The following GBE1 variants were observed in gnomAD, a reference collection of about 807,000 sequenced individuals.
GBE1 encodes the protein 1,4-alpha-glucan branching enzyme 1.
GBE1 carries 70 observed loss-of-function variants against 88.8 expected under a neutral mutation model. The ratio of observed to expected loss-of-function variants is 0.79; its 90% CI spans 0.65 to 0.96. The LOEUF (loss-of-function observed/expected upper bound fraction) is 0.96, where lower values mean the gene tolerates loss of function less well. Ranked by LOEUF, GBE1 falls within the 40% of genes least tolerant of loss-of-function variation. The probability of loss-of-function intolerance (pLI) is 0.00; values close to 1 mark genes in which losing one functional copy is unlikely to be tolerated. For missense variants in GBE1, 872 were observed against 871.0 expected (o/e 1.00, Z -0.01); for synonymous variants, 284 against 300.1 (o/e 0.95, Z 0.56).
At chr3:81,706,195 C>T (rs562990384) in intron 1 of GBE1, among the ~76,000 whole-genome samples, 45 of 152,058 alleles carry the variant, frequency 3.0e-4, no homozygotes, top group Non-Finnish European at 4.3e-4. Flanking sequence ...ACTTTATTTA[C>T]AAAAAACAGG....
At chr3:81,590,887 C>A (rs1221676970) in intron 9 of GBE1, 150 bp downstream of exon 9, 1 of 506,310 alleles carries the variant, frequency 2.0e-6, no homozygotes, top group Admixed American at 4.0e-5. Context: ...AAATAATGTG[C>A]CACCCATACA....
chr3:81,720,995 G>A (rs906687721), intron 1 of GBE1, among the ~76,000 whole-genome samples: 7 of 94,144 alleles, frequency 7.4e-5, no homozygotes, highest in Non-Finnish European at 1.2e-4. Flanking sequence ...GGTGGGAATT[G>A]AACAATGAGA....
At chr3:81,739,117 T>A (rs757902220) in intron 1 of GBE1, among the ~76,000 whole-genome samples, 23 of 152,156 alleles carry the variant, frequency 1.5e-4, no homozygotes, top group Non-Finnish European at 2.8e-4. Context: ...CCTCAGGATC[T>A]AAACACCGCT....
intron 3 of GBE1, among the ~76,000 whole-genome samples, chr3:81,665,492 C>T (rs955151131): frequency 2.0e-5 from 3 of 149,906 alleles, no homozygotes; most frequent in Admixed American, 6.7e-5. Context: ...GCCGAGATTG[C>T]GCCACTGCAC....
At chr3:81,617,459 C>A (rs995520329) in intron 7 of GBE1, among the ~76,000 whole-genome samples, 2 of 151,876 alleles carry the variant, frequency 1.3e-5, no homozygotes, top group Non-Finnish European at 2.9e-5. Context: ...TTTAATTTGG[C>A]AAAATACTTT....
chr3:81,615,017 T>C (rs947754572), intron 7 of GBE1, among the ~76,000 whole-genome samples: 2 of 151,734 alleles, frequency 1.3e-5, no homozygotes, highest in African/African-American at 4.8e-5. Flanking sequence ...ATGAGACTTT[T>C]TTCTCAAAAA....
intron 1 of GBE1, 56 bp downstream of exon 1, chr3:81,761,319 G>A (rs1483577479): frequency 1.9e-6 from 3 of 1,551,416 alleles, no homozygotes; most frequent in East Asian, 4.8e-5. Flanking sequence ...GTCCCGAGAC[G>A]GCTCCTGGGA....
chr3:81,575,922 T>G (rs1703642797), intron 12 of GBE1, among the ~76,000 whole-genome samples: 1 of 152,210 alleles, frequency 6.6e-6, no homozygotes, highest in Non-Finnish European at 1.5e-5. Flanking sequence ...TTTTCTCACC[T>G]TGGTATAAGG....
chr3:81,722,156 T>C (rs1706043508), intron 1 of GBE1, among the ~76,000 whole-genome samples: 1 of 152,196 alleles, frequency 6.6e-6, no homozygotes, highest in Non-Finnish European at 1.5e-5. Context: ...TTAATACTCA[T>C]GTATAATATT....
At chr3:81,564,710 G>A (rs933894596) in intron 12 of GBE1, among the ~76,000 whole-genome samples, 2 of 152,104 alleles carry the variant, frequency 1.3e-5, no homozygotes, top group African/African-American at 4.8e-5. Context: ...TAACCTGGCA[G>A]GAGTTTTTCC....
At chr3:81,503,507 G>A (rs984501814) in intron 14 of GBE1, among the ~76,000 whole-genome samples, 5 of 152,166 alleles carry the variant, frequency 3.3e-5, no homozygotes, top group Non-Finnish European at 5.9e-5. Context: ...GCAGTCAGGA[G>A]TCTAACAACA....
At chr3:81,620,113 A>G (rs935994484) in intron 7 of GBE1, among the ~76,000 whole-genome samples, 2 of 152,124 alleles carry the variant, frequency 1.3e-5, no homozygotes, top group African/African-American at 4.8e-5. Context: ...AATCAATGAC[A>G]TAAAACAGCA....
At chr3:81,609,558 G>A (rs78377253) in intron 7 of GBE1, among the ~76,000 whole-genome samples, 3 of 150,308 alleles carry the variant, frequency 2.0e-5, no homozygotes, top group Non-Finnish European at 4.4e-5. Flanking sequence ...GATTTTGGGG[G>A]TTTTTTTTTG....
At chr3:81,554,759 G>A (rs1039481151) in intron 12 of GBE1, among the ~76,000 whole-genome samples, 1 of 152,162 alleles carries the variant, frequency 6.6e-6, no homozygotes, top group Non-Finnish European at 1.5e-5. Flanking sequence ...GGCTGGTGGA[G>A]TGTTTTTGTA....
At chr3:81,726,665 T>C (rs1199855827) in intron 1 of GBE1, among the ~76,000 whole-genome samples, 1 of 150,446 alleles carries the variant, frequency 6.6e-6, no homozygotes, top group East Asian at 2.0e-4. Context: ...CCTAGCAACC[T>C]CTGCCTCCCA....
At chr3:81,706,191 T>A (rs1348410150) in intron 1 of GBE1, among the ~76,000 whole-genome samples, 1 of 152,142 alleles carries the variant, frequency 6.6e-6, no homozygotes. Flanking sequence ...TAACACTTTA[T>A]TTACAAAAAA....
At chr3:81,519,798 G>C (rs554365752) in intron 14 of GBE1, among the ~76,000 whole-genome samples, 1 of 151,412 alleles carries the variant, frequency 6.6e-6, no homozygotes, top group South Asian at 2.1e-4. Context: ...AAGAATTTCT[G>C]GGGAAGAATT....
intron 14 of GBE1, among the ~76,000 whole-genome samples, chr3:81,534,128 T>C (rs1006297361): frequency 6.6e-6 from 1 of 151,978 alleles, no homozygotes; most frequent in African/African-American, 2.4e-5. Flanking sequence ...CTAATCATTG[T>C]TAGGGCTTCA....
At chr3:81,552,969 T>G (rs1428105681) in intron 12 of GBE1, among the ~76,000 whole-genome samples, 1 of 152,194 alleles carries the variant, frequency 6.6e-6, no homozygotes, top group Admixed American at 6.5e-5. Flanking sequence ...TGTGACTTTC[T>G]AAGGTTATAC....
Sources: allele counts gnomAD v4.1 joint callset (sites outside exome capture counted in the v4.1 genomes callset), GRCh38; gene constraint gnomAD v4.1.1; transcripts MANE v1.5; gene names NCBI Gene and HGNC (gene_info 2026-07-23, HGNC 2026-07-21).